PRMT2: variants seen among roughly 807,000 people sequenced by gnomAD.
PRMT2 encodes protein arginine N-methyltransferase 2.
PRMT2 carries 26 observed loss-of-function variants against 57.6 expected under a neutral mutation model. That is an observed-to-expected ratio of 0.45 (90% CI 0.33 to 0.63). The LOEUF is 0.63. Ranked by LOEUF, PRMT2 falls within the 20% of genes least tolerant of loss-of-function variation. The pLI, the probability that PRMT2 is intolerant of heterozygous loss-of-function variation, is 0.02. For missense variants in PRMT2, 472 were observed against 564.4 expected, an observed-to-expected ratio of 0.84 and a Z score of 1.66; for synonymous variants, 219 against 220.0, an observed-to-expected ratio of 1.00 and a Z score of 0.04.
chr21:46,661,865 G>T lies in PRMT2; in HGVS notation c.1026G>T (p.Trp342Cys). Residue 342 changes from tryptophan (W) to cysteine (C), a missense_variant, in exon 10 of 12, where the codon TGG becomes TGT. Physicochemically the swap from Trp to Cys is radical, Grantham distance 215 (BLOSUM62 -2). Around this residue, in one of 2 missense-constraint regions of PRMT2, gnomAD observed 229 missense variants for 217.2 expected, o/e 1.05. Coordinates refer to ENST00000355680, the MANE Select transcript of PRMT2 (RefSeq NM_206962.4). ...GGACCCTGCACGGCTTCACGGCCTG[G>T]TTTAGCGTCCACTTCCAGAGCCTGC... ...KAGTLHGFTAWFSVHFQSLQE... is the reference protein window; with the variant it reads ...KAGTLHGFTACFSVHFQSLQE... The T allele has an allele frequency of 6.7e-7, 1 of 1,499,092 alleles. No homozygotes were observed. The highest frequency in any genetic ancestry group is 9.0e-7 in the Non-Finnish European group (1 of 1,116,280). 92.9% of individuals were successfully genotyped at this position (1,499,092 alleles called of 1,614,324 possible).
intron 3 of PRMT2, among the ~76,000 whole-genome samples, chr21:46,642,497 A>G (rs184294366): frequency 1.3e-5 from 2 of 152,332 alleles, no homozygotes; most frequent in East Asian, 3.9e-4. Context: ...ATAAACACCA[A>G]TGTGCTGTCT....
Position 46,661,468 on chromosome 21 carries a change from C to T in PRMT2, c.961-332C>T, listed in dbSNP as rs1178130843. 4 of 187,496 alleles carry T rather than the reference C, an allele frequency of 2.1e-5. No individual in the cohort carries two copies. In the East Asian group the frequency reaches 3.8e-4, roughly 18 times the overall value. 11.6% of individuals were successfully genotyped at this position (187,496 alleles called of 1,614,324 possible). A position where few individuals can be genotyped will look rare whatever the true frequency, so the allele number is the denominator to read the frequency against. On this transcript the variant is annotated intron_variant, in intron 9 of 11. Transcript: ENST00000355680. ...GGAGATGGGGCGGGCGCGGTGGCGC[C>T]GGCGCGCTTTGGTTTTTAGTTCGTT... is the stretch of plus-strand genomic sequence containing the variant.
At chr21:46,646,669 A>G (rs1601928848) in intron 5 of PRMT2, among the ~76,000 whole-genome samples, 1 of 152,212 alleles carries the variant, frequency 6.6e-6, no homozygotes, top group African/African-American at 2.4e-5. Flanking sequence ...GGAGTCCTGT[A>G]TAATCCTGTT....
intron 7 of PRMT2, chr21:46,653,892 T>A: frequency 6.9e-6 from 7 of 1,015,582 alleles, no homozygotes; most frequent in Non-Finnish European, 8.3e-6. Flanking sequence ...ACAATGCACT[T>A]TGTCTGCACT....
intron 4 of PRMT2, 79 bp downstream of exon 4, chr21:46,643,718 C>A: frequency 6.8e-7 from 1 of 1,480,904 alleles, no homozygotes; most frequent in South Asian, 1.4e-5. Context: ...GCAGACGTCA[C>A]ACCAAAGTTA....
rs200170834 is a variant in PRMT2 at position 46,637,010 on chromosome 21, C to T, written c.39+20C>T. The T allele has an allele frequency of 1.9e-4, 299 of 1,612,408 alleles. 2 individuals are homozygous for T. The African/African-American group carries it at 3.6e-3, about 20-fold the overall frequency. ...TCGCAGGTAATTTCCGTTCCACTTC[C>T]TAAAAATCTGTGTTTAATGAATGTG... On this transcript the variant is annotated intron_variant, in intron 3 of 11. Transcript: ENST00000355680.
chr21:46,655,067 A>G, intron 7 of PRMT2: 1 of 256,506 alleles, frequency 3.9e-6, no homozygotes, highest in Non-Finnish European at 6.1e-6. Context: ...TATTGAATTA[A>G]TAGTTTAAAA....
intron 7 of PRMT2, chr21:46,652,828 AT>A: frequency 3.9e-6 from 5 of 1,275,566 alleles, no homozygotes; most frequent in Non-Finnish European, 5.1e-6. Context: ...TTGAGCCCTA[AT>A]TTGCGTTATC....
chr21:46,661,749 C>G (rs115587551), intron 9 of PRMT2, 51 bp from the exon 10 acceptor site: 3 of 1,284,592 alleles, frequency 2.3e-6, no homozygotes. Flanking sequence ...CAACCCGGGC[C>G]CTGCGGTGCC....
chr21:46,660,771 G>A (rs1458545664), intron 8 of PRMT2, 62 bp from the exon 9 acceptor site: 1 of 1,590,812 alleles, frequency 6.3e-7, no homozygotes, highest in Non-Finnish European at 8.6e-7. Flanking sequence ...TCCCACGTGT[G>A]TGTTTTGAAG....
intron 7 of PRMT2, chr21:46,652,840 A>G (rs2061481161): frequency 2.3e-6 from 3 of 1,285,566 alleles, no homozygotes; most frequent in African/African-American, 1.5e-5. Context: ...TTGCGTTATC[A>G]TTAGTTGTTA....
Position 46,643,627 on chromosome 21 carries a change from C to A in PRMT2, c.132C>A (p.Thr44=). ...TGGCCATCGCGGACTACGCTGCCAC[C>A]GATGAGACCCAGGTAGCCACACGTG... ...EFVAIADYAA[T]DETQLSFLRG... The change falls in exon 4 of 12, where the codon ACC becomes ACA. Residue 44 remains threonine (T), a synonymous_variant. Coordinates refer to ENST00000355680, the MANE Select transcript of PRMT2 (RefSeq NM_206962.4). 5 of 1,608,022 alleles carry A rather than the reference C, an allele frequency of 3.1e-6. No homozygotes were observed. Among genetic ancestry groups the A allele is most frequent in the Non-Finnish European group, 4.2e-6 (5 of 1,178,246 alleles).
chr21:46,652,573 C>CT, intron 7 of PRMT2: 1 of 985,446 alleles, frequency 1.0e-6, no homozygotes, highest in Non-Finnish European at 1.2e-6. Context: ...GAGCAATCCT[C>CT]TAATATCTGA....
In PRMT2 at chr21:46,664,548, T is replaced by C; in HGVS notation, c.*221T>C. On this transcript the variant is annotated 3_prime_UTR_variant, in exon 12 of 12. Coordinates refer to ENST00000355680, the MANE Select transcript of PRMT2 (RefSeq NM_206962.4). ...GTGGCCACCCCCGCTGCCCAGTGTC[T>C]GCCCTCTAGAAGTAGGCTGTGTTTC... is the stretch of plus-strand genomic sequence containing the variant. 1.6e-6 allele frequency: 1 copy of C among 614,274 alleles called. No homozygotes were observed. The highest frequency in any genetic ancestry group is 2.9e-6 in the Non-Finnish European group (1 of 343,198). The allele number at this position is 614,274 out of a possible 1,614,324, so 38.1% of individuals were successfully genotyped here. A position where few individuals can be genotyped will look rare whatever the true frequency, so the allele number is the denominator to read the frequency against.
intron 7 of PRMT2, among the ~76,000 whole-genome samples, chr21:46,650,667 G>T (rs2061436134): frequency 6.6e-6 from 1 of 152,208 alleles, no homozygotes. Context: ...TTGACAGCTG[G>T]TGCCCCGGCC....
intron 7 of PRMT2, among the ~76,000 whole-genome samples, chr21:46,651,486 C>G (rs1894642320): frequency 6.6e-6 from 1 of 151,838 alleles, no homozygotes; most frequent in Admixed American, 6.6e-5. Context: ...CCACCCTGAG[C>G]AGGACATTTG....
chr21:46,658,494 C>G lies in PRMT2; in HGVS notation c.655-251C>G, dbSNP rs73907583. The G allele has an allele frequency of 8.8e-3, 4,298 of 490,534 alleles. 155 individuals are homozygous for G. The highest frequency in any genetic ancestry group is 0.078 in the African/African-American group (3,960 of 50,798). The allele number at this position is 490,534 out of a possible 1,614,324, so 30.4% of individuals were successfully genotyped here. A position where few individuals can be genotyped will look rare whatever the true frequency, so the allele number is the denominator to read the frequency against. ...AGTGAAGATTTGTCCTTGCTTTTAG[C>G]TCTGCTCCAGTTCATAGTTCTAATG... On this transcript the variant is annotated intron_variant, in intron 7 of 11. Coordinates refer to ENST00000355680, the MANE Select transcript of PRMT2 (RefSeq NM_206962.4).
Position 46,663,438 on chromosome 21 carries a change from A to G in PRMT2, c.1153A>G (p.Thr385Ala), listed in dbSNP as rs773460957. 3 of 1,614,198 alleles carry G rather than the reference A, an allele frequency of 1.9e-6. No homozygotes were observed. Among genetic ancestry groups the G allele is most frequent in the Non-Finnish European group, 2.5e-6 (3 of 1,180,022 alleles). Residue 385 changes from threonine (T) to alanine (A), a missense_variant, in exon 11 of 12, where the codon ACA becomes GCA. Physicochemically the swap from Thr to Ala is moderately conservative, Grantham distance 58. Coordinates refer to ENST00000355680, the MANE Select transcript of PRMT2 (RefSeq NM_206962.4). ...FMMDDPVPVHTGDVVTGSVVL... is the reference protein window; with the variant it reads ...FMMDDPVPVHAGDVVTGSVVL... ...GATGGACGACCCAGTCCCTGTCCAT[A>G]CAGGAGACGTGGTCACGGGTTCAGT...
intron 3 of PRMT2, among the ~76,000 whole-genome samples, chr21:46,640,473 GCT>G (rs1569149249): frequency 7.4e-6 from 1 of 134,654 alleles, no homozygotes; most frequent in African/African-American, 2.9e-5. Context: ...ACGGAGTCTC[GCT>G]CTGTCGCCCA....
Sources: allele counts gnomAD v4.1 joint callset (sites outside exome capture counted in the v4.1 genomes callset), GRCh38; gene constraint gnomAD v4.1.1; regional missense constraint gnomAD v4.1.1; transcripts MANE v1.5; gene names NCBI Gene and HGNC (gene_info 2026-07-23, HGNC 2026-07-21).